Variants in BLZF1 observed in about 807,000 individuals in gnomAD.
BLZF1 encodes golgin-45.
BLZF1 carries 39 observed loss-of-function variants against 43.8 expected under a neutral mutation model. That is an observed-to-expected ratio of 0.89 (90% CI 0.69 to 1.16). The LOEUF is 1.16. BLZF1 is among the 50% of genes most tolerant of loss of function. BLZF1 has a pLI of 0.00. For synonymous variants in BLZF1, 136 were observed against 159.4 expected, an observed-to-expected ratio of 0.85 and a Z score of 1.11; for missense variants, 449 against 469.8, an observed-to-expected ratio of 0.96 and a Z score of 0.41.
intron 2 of BLZF1, among the ~76,000 whole-genome samples, chr1:169,370,245 T>G (rs1367527043): frequency 2.6e-5 from 4 of 152,226 alleles, no homozygotes; most frequent in Admixed American, 1.3e-4. Flanking sequence ...CCTGTATGAT[T>G]TCATCTTAAC....
intron 7 of BLZF1, among the ~76,000 whole-genome samples, chr1:169,394,555 T>C (rs1182612469): frequency 2.0e-5 from 3 of 152,074 alleles, no homozygotes; most frequent in Non-Finnish European, 4.4e-5. Context: ...CTCTCACATA[T>C]AGGGTGTATT....
chr1:169,386,228 A>G (rs1373689343), intron 6 of BLZF1, among the ~76,000 whole-genome samples: 3 of 152,188 alleles, frequency 2.0e-5, no homozygotes, highest in African/African-American at 7.2e-5. Flanking sequence ...TATAAATTAG[A>G]AAAAGAGAAA....
At chr1:169,381,920 G>A (rs548188561) in intron 5 of BLZF1, 142 bp from the exon 6 acceptor site, 103 of 664,506 alleles carry the variant, frequency 1.6e-4, no homozygotes, top group South Asian at 1.5e-3. Flanking sequence ...TAAGACATCC[G>A]AATTTATGGA....
intron 2 of BLZF1, among the ~76,000 whole-genome samples, chr1:169,370,926 T>G (rs994040460): frequency 6.6e-6 from 1 of 152,314 alleles, no homozygotes; most frequent in East Asian, 1.9e-4. Context: ...CATAGTGAAC[T>G]TCTCCTGACC....
At chr1:169,380,680 TTTTG>T (rs1285800492) in intron 5 of BLZF1, 71 bp downstream of exon 5, 21 of 1,567,784 alleles carry the variant, frequency 1.3e-5, no homozygotes, top group Middle Eastern at 1.7e-4. Flanking sequence ...GTTTTGGTTT[TTTTG>T]TTTGTTTGTT....
At chr1:169,393,378 A>C (rs746809242) in intron 7 of BLZF1, among the ~76,000 whole-genome samples, 5 of 151,878 alleles carry the variant, frequency 3.3e-5, no homozygotes, top group African/African-American at 1.2e-4. Context: ...AGCTGAGGTC[A>C]GGAGTTTGAG....
At chr1:169,385,221 C>T (rs1368723078) in intron 6 of BLZF1, among the ~76,000 whole-genome samples, 2 of 152,206 alleles carry the variant, frequency 1.3e-5, no homozygotes, top group Non-Finnish European at 2.9e-5. Context: ...TTCTCCCAGA[C>T]CTTTATCCAC....
chr1:169,375,432 G>A (rs867135194), intron 2 of BLZF1, among the ~76,000 whole-genome samples: 26 of 54,276 alleles, frequency 4.8e-4, no homozygotes, highest in African/African-American at 7.4e-4. Context: ...ATATATATAT[G>A]GTCTGGCTGG....
chr1:169,375,415 T>C (rs552153679), intron 2 of BLZF1, among the ~76,000 whole-genome samples: 1 of 113,390 alleles, frequency 8.8e-6, no homozygotes, highest in East Asian at 2.7e-4. Flanking sequence ...TATATATATA[T>C]ATATATATAT....
rs577700573 is a variant in BLZF1 at position 169,382,064 on chromosome 1, T to C, written c.800T>C (p.Leu267Ser). The C allele has an allele frequency of 8.0e-5, 129 of 1,612,754 alleles. No homozygotes were observed. The highest frequency in any genetic ancestry group is 1.1e-4 in the Non-Finnish European group (126 of 1,179,194). The change falls in exon 6 of 7, where the codon TTA becomes TCA. Residue 267 changes from leucine (L) to serine (S), a missense_variant and splice_region_variant. Coordinates refer to ENST00000367808, the MANE Select transcript of BLZF1 (RefSeq NM_001320973.2). ...GTGTTCATGTGTGTTCTATGCAGATTATTGGAGGAGCTCTTAGTTTCCTTG... is the reference window on the plus strand; with the variant it reads ...GTGTTCATGTGTGTTCTATGCAGATCATTGGAGGAGCTCTTAGTTTCCTTG... ...FRQEMIATQKLLEELLVSLQW... is the reference protein window; with the variant it reads ...FRQEMIATQKSLEELLVSLQW...
At chr1:169,369,350 T>C (rs778719444) in intron 1 of BLZF1, 123 bp from the exon 2 acceptor site, 6 of 507,044 alleles carry the variant, frequency 1.2e-5, no homozygotes, top group Non-Finnish European at 2.1e-5. Flanking sequence ...AAGGGACATT[T>C]CTCTTTCTAA....
At chr1:169,385,168 A>G (rs182586830) in intron 6 of BLZF1, among the ~76,000 whole-genome samples, 88 of 152,274 alleles carry the variant, frequency 5.8e-4, no homozygotes, top group African/African-American at 2.0e-3. Flanking sequence ...TTATTTCACT[A>G]TACAATGTTA....
At position 169,376,431 on chromosome 1, in the gene BLZF1, T is replaced by A. The variant is rs1032885742; in HGVS notation, c.29-109T>A. The A allele has an allele frequency of 6.6e-6, 6 of 909,862 alleles. No individual in the cohort carries two copies. The African/African-American group carries it at 1.0e-4, about 16-fold the overall frequency. The allele number at this position is 909,862 out of a possible 1,614,324, so 56.4% of individuals were successfully genotyped here. On this transcript the variant is annotated intron_variant, in intron 2 of 6. Coordinates refer to ENST00000367808, the MANE Select transcript of BLZF1 (RefSeq NM_001320973.2). ...ATTACTTTTTCTCTGATTTTTTTTTTGCATTCTTTTTAGTGCCAGTAATTT... is the reference window on the plus strand; with the variant it reads ...ATTACTTTTTCTCTGATTTTTTTTTAGCATTCTTTTTAGTGCCAGTAATTT...
chr1:169,386,830 A>G (rs1162265523), intron 6 of BLZF1, among the ~76,000 whole-genome samples, 167 bp from the exon 7 acceptor site: 1 of 152,180 alleles, frequency 6.6e-6, no homozygotes, highest in African/African-American at 2.4e-5. Flanking sequence ...TTAAATTTAC[A>G]GCTTAAGGAA....
Position 169,375,393 on chromosome 1 carries a change from CATATATATATATATATATATATATATAT to C in BLZF1, c.29-1136_29-1109del, listed in dbSNP as rs58679820. ...ACATATAAAACATATATATATAAAA[CATATATATATATATATATATATATATAT>C]ATATATATATGGTCTGGCTGGACAG... On this transcript the variant is annotated intron_variant, in intron 2 of 6. Transcript: ENST00000367808. 1.2e-3 allele frequency among the ~76,000 whole-genome samples: 105 copies of C among 85,844 alleles called. 2 individuals carry two copies. Among genetic ancestry groups the C allele is most frequent in the African/African-American group, 4.1e-3 (86 of 20,784 alleles). 56.3% of individuals were successfully genotyped at this position (85,844 alleles called of 152,430 possible). A position where few individuals can be genotyped will look rare whatever the true frequency, so the allele number is the denominator to read the frequency against.
Position 169,376,822 on chromosome 1 carries a change from A to G in BLZF1, c.311A>G (p.His104Arg), listed in dbSNP as rs745319013. 4 of 1,613,486 alleles carry G rather than the reference A, an allele frequency of 2.5e-6. No homozygotes were observed. Among genetic ancestry groups the G allele is most frequent in the Admixed American group, 1.7e-5 (1 of 59,932 alleles). ...NKNTKVKSLG[H>R]HKGEFLGQSE... ...AATACAAAGGTTAAGTCTCTGGGAC[A>G]TCATAAAGGAGAATTCCTTGGTCAG... The change falls in exon 3 of 7, where the codon CAT (histidine) becomes CGT (arginine). Residue 104 changes from histidine (H) to arginine (R), a missense_variant. His to Arg is a conservative substitution (Grantham distance 29). Coordinates refer to ENST00000367808, the MANE Select transcript of BLZF1 (RefSeq NM_001320973.2).
At chr1:169,386,367 C>A (rs1161570993) in intron 6 of BLZF1, among the ~76,000 whole-genome samples, 1 of 151,946 alleles carries the variant, frequency 6.6e-6, no homozygotes, top group African/African-American at 2.4e-5. Context: ...AGTAGTAAGT[C>A]CATTTTGGTT....
intron 1 of BLZF1, 104 bp from the exon 2 acceptor site, chr1:169,369,369 G>A (rs745491596): frequency 2.0e-5 from 11 of 556,540 alleles, no homozygotes; most frequent in Non-Finnish European, 3.1e-5. Flanking sequence ...AAATGCATGC[G>A]TACTAAATAC....
At chr1:169,391,243 C>T (rs906134161), downstream of BLZF1, among the ~76,000 whole-genome samples, 14 of 152,190 alleles carry the variant, frequency 9.2e-5, no homozygotes, top group African/African-American at 3.1e-4. Context: ...ACAATAGGCT[C>T]CCAGCATACC....
Sources: allele counts gnomAD v4.1 joint callset (sites outside exome capture counted in the v4.1 genomes callset), GRCh38; gene constraint gnomAD v4.1.1; transcripts MANE v1.5; gene names NCBI Gene and HGNC (gene_info 2026-07-23, HGNC 2026-07-21).